The following CA13 variants were observed in gnomAD, a reference collection of about 807,000 sequenced individuals.
CA13 encodes the protein CA-XIII.
A neutral mutation model predicts 31.5 loss-of-function variants in CA13; 21 were observed. The observed-to-expected ratio is 0.67, with a 90% confidence interval of 0.47 to 0.96. The LOEUF is 0.96. Ranked by LOEUF, CA13 falls within the 40% of genes least tolerant of loss-of-function variation. The pLI, the probability that CA13 is intolerant of heterozygous loss-of-function variation, is 0.00. For synonymous variants in CA13, 117 were observed against 111.4 expected (o/e 1.05, Z -0.32); for missense variants, 315 against 318.9 (o/e 0.99, Z 0.09).
intron 6 of CA13, among the ~76,000 whole-genome samples, chr8:85,277,397 A>C (rs1807628293): frequency 6.6e-6 from 1 of 152,114 alleles, no homozygotes; most frequent in African/African-American, 2.4e-5. Context: ...TGAGCCAGCG[A>C]GACCATGAAC....
rs1807718306 is a variant in CA13 at position 85,282,141 on chromosome 8, A to G, written c.*792A>G. On this transcript the variant is annotated 3_prime_UTR_variant, in exon 7 of 7. Transcript: ENST00000321764. Reference sequence around the variant, plus strand: ...TAGATTACGTTTTCCTATAAGGATAATTTTTGCAGTGATTATATTGCTAAC... The same window carrying G: ...TAGATTACGTTTTCCTATAAGGATAGTTTTTGCAGTGATTATATTGCTAAC... The G allele has an allele frequency of 6.6e-6, 1 of 152,138 alleles. No homozygotes were observed. The highest frequency in any genetic ancestry group is 1.5e-5 in the Non-Finnish European group (1 of 68,020). The allele number at this position is 152,138 out of a possible 1,614,324, so 9.4% of individuals were successfully genotyped here. A position where few individuals can be genotyped will look rare whatever the true frequency, so the allele number is the denominator to read the frequency against.
At chr8:85,261,682 T>TC (rs1310436960) in intron 3 of CA13, among the ~76,000 whole-genome samples, 1 of 152,106 alleles carries the variant, frequency 6.6e-6, no homozygotes, top group Non-Finnish European at 1.5e-5. Context: ...TGCCTCGGAC[T>TC]CCCAAAGTGT....
intron 3 of CA13, among the ~76,000 whole-genome samples, chr8:85,266,059 G>A (rs1217766621): frequency 2.6e-5 from 4 of 152,286 alleles, no homozygotes; most frequent in East Asian, 1.9e-4. Flanking sequence ...ACTGCCAGCC[G>A]GGATTTGATT....
At chr8:85,257,676 C>T (rs1807319192) in intron 2 of CA13, among the ~76,000 whole-genome samples, 1 of 150,414 alleles carries the variant, frequency 6.6e-6, no homozygotes, top group African/African-American at 2.4e-5. Context: ...CCCCACTGTA[C>T]TCCAGCCTGG....
chr8:85,249,976 T>G (rs1041421177), intron 1 of CA13: 2 of 275,716 alleles, frequency 7.3e-6, no homozygotes, highest in African/African-American at 4.6e-5. Context: ...GATTTTGACG[T>G]TTTTGAGTAG....
chr8:85,259,540 G>T lies in CA13; in HGVS notation c.354+1G>T, dbSNP rs1287783111. The T allele has an allele frequency of 6.2e-7, 1 of 1,612,460 alleles. No homozygotes were observed. Among genetic ancestry groups the T allele is most frequent in the South Asian group, 1.1e-5 (1 of 91,044 alleles). ...AGATGGAGTGAGCTATGCTGCAGAG[G>T]TAAGCCATAAGACATATCTGTGATT... On this transcript the variant is annotated splice_donor_variant, in intron 3 of 6. Transcript: ENST00000321764. LOFTEE classifies it high-confidence loss of function.
Position 85,250,792 on chromosome 8 carries a change from T to G in CA13, c.90T>G (p.Ser30=). The stretch of plus-strand genomic sequence containing the variant: ...CTATTGCTGATGGTGATCAGCAATC[T>G]CCAATTGAGATTAAAACCAAAGAAG... ...FFPIADGDQQ[S]PIEIKTKEVK... Residue 30 remains serine, a synonymous_variant, in exon 2 of 7, where the codon TCT becomes TCG. Coordinates refer to ENST00000321764, the MANE Select transcript of CA13 (RefSeq NM_198584.3). 6.2e-7 allele frequency: 1 copy of G among 1,614,006 alleles called. No individual in the cohort carries two copies.
chr8:85,245,907 G>T (rs754023052), intron 1 of CA13, 42 bp downstream of exon 1: 4 of 1,612,192 alleles, frequency 2.5e-6, no homozygotes, highest in Non-Finnish European at 3.4e-6. Flanking sequence ...TTGTGCGGGG[G>T]ACGAGAGGAC....
intron 1 of CA13, 135 bp from the exon 2 acceptor site, chr8:85,250,605 G>T: frequency 1.7e-6 from 1 of 592,588 alleles, no homozygotes. Context: ...AGATGCCAAG[G>T]TCCTGAGGAC....
intron 6 of CA13, among the ~76,000 whole-genome samples, chr8:85,275,932 G>A (rs1807596154): frequency 6.6e-6 from 1 of 152,242 alleles, no homozygotes; most frequent in Non-Finnish European, 1.5e-5. Flanking sequence ...CGCTCTCAGC[G>A]CCTCCTCTGC....
intron 6 of CA13, among the ~76,000 whole-genome samples, chr8:85,275,708 T>C (rs1046925696): frequency 6.6e-6 from 1 of 152,216 alleles, no homozygotes; most frequent in African/African-American, 2.4e-5. Flanking sequence ...TGCTTACCTT[T>C]TGGACAAATA....
chr8:85,278,498 G>A (rs1375674778), intron 6 of CA13, among the ~76,000 whole-genome samples: 1 of 152,152 alleles, frequency 6.6e-6, no homozygotes, highest in Non-Finnish European at 1.5e-5. Context: ...GGGCTTGGAA[G>A]CCATGCTGAC....
chr8:85,277,808 G>A (rs962464636), intron 6 of CA13, among the ~76,000 whole-genome samples: 3 of 152,170 alleles, frequency 2.0e-5, no homozygotes, highest in Non-Finnish European at 2.9e-5. Flanking sequence ...CCAGTCTGAC[G>A]TGACTGCTGC....
intron 6 of CA13, among the ~76,000 whole-genome samples, chr8:85,276,370 G>A (rs1011356561): frequency 3.9e-5 from 6 of 152,320 alleles, no homozygotes; most frequent in African/African-American, 9.6e-5. Flanking sequence ...CCTGCTCCAC[G>A]GTGCCCAGTC....
intron 3 of CA13, among the ~76,000 whole-genome samples, chr8:85,264,039 A>G (rs958910419): frequency 1.3e-5 from 2 of 152,208 alleles, no homozygotes; most frequent in African/African-American, 4.8e-5. Flanking sequence ...TTTTAGGCCT[A>G]ATATGATGGT....
chr8:85,254,560 T>G (rs562328402), intron 2 of CA13, among the ~76,000 whole-genome samples: 2 of 152,230 alleles, frequency 1.3e-5, no homozygotes, highest in South Asian at 4.1e-4. Flanking sequence ...TTCTTTTAAA[T>G]GAAGATCCTT....
intron 2 of CA13, among the ~76,000 whole-genome samples, chr8:85,256,956 T>C (rs73688691): frequency 0.048 from 7,355 of 152,260 alleles, 220 homozygotes; most frequent in Non-Finnish European, 0.063. Flanking sequence ...TCTCTCTCTC[T>C]CCCTCTCTGT....
chr8:85,267,131 C>A (rs117454991), intron 4 of CA13: 7 of 467,988 alleles, frequency 1.5e-5, no homozygotes, highest in African/African-American at 1.5e-4. Flanking sequence ...TTTAATCTAA[C>A]GTTCACATGT....
chr8:85,257,125 T>C (rs1361401570), intron 2 of CA13, among the ~76,000 whole-genome samples: 1 of 152,208 alleles, frequency 6.6e-6, no homozygotes, highest in African/African-American at 2.4e-5. Context: ...GAACTTAGTT[T>C]TTAGTGATTC....
Sources: allele counts gnomAD v4.1 joint callset (sites outside exome capture counted in the v4.1 genomes callset), GRCh38; gene constraint gnomAD v4.1.1; transcripts MANE v1.5; gene names NCBI Gene and HGNC (gene_info 2026-07-23, HGNC 2026-07-21).